CDC42BPA: variants seen among roughly 807,000 people sequenced by gnomAD.
The protein encoded by CDC42BPA is CDC42 binding protein kinase alpha.
CDC42BPA carries 80 observed loss-of-function variants against 223.5 expected under a neutral mutation model. That is an observed-to-expected ratio of 0.36 (90% confidence interval 0.30 to 0.43). The LOEUF (loss-of-function observed/expected upper bound fraction) is 0.43. Ranked by LOEUF, CDC42BPA falls within the 20% of genes least tolerant of loss-of-function variation. CDC42BPA has a pLI of 1.00. For synonymous variants in CDC42BPA, 694 were observed against 718.6 expected, an observed-to-expected ratio of 0.97 and a Z score of 0.55; for missense variants, 1,743 against 2,099.9, an observed-to-expected ratio of 0.83 and a Z score of 3.32.
At chr1:227,312,808 G>T (rs1693750091) in intron 1 of CDC42BPA, among the ~76,000 whole-genome samples, 1 of 151,984 alleles carries the variant, frequency 6.6e-6, no homozygotes, top group Non-Finnish European at 1.5e-5. Context: ...TTGTGATAGT[G>T]AGTGAGTTCT....
chr1:227,048,207 C>A (rs541276295), intron 22 of CDC42BPA, among the ~76,000 whole-genome samples, 197 bp from the exon 23 acceptor site: 1 of 151,844 alleles, frequency 6.6e-6, no homozygotes, highest in Non-Finnish European at 1.5e-5. Context: ...GCAATATCTA[C>A]GAATGAAATA....
intron 1 of CDC42BPA, among the ~76,000 whole-genome samples, chr1:227,268,572 T>C (rs1385164725): frequency 1.4e-5 from 2 of 145,364 alleles, no homozygotes; most frequent in Non-Finnish European, 3.0e-5. Context: ...TGTATATATA[T>C]AGTGTATATA....
At chr1:227,168,719 G>A (rs942737259) in intron 5 of CDC42BPA, among the ~76,000 whole-genome samples, 5 of 151,794 alleles carry the variant, frequency 3.3e-5, no homozygotes, top group African/African-American at 7.3e-5. Context: ...GGATGGTCTC[G>A]ATCTCCTGAC....
rs1313430652 is a variant in CDC42BPA, at chr1:227,222,218, T to TA, written c.271-9000dup. Among the ~76,000 whole-genome samples, 15 of 142,754 alleles carry TA rather than the reference T, an allele frequency of 1.1e-4. No individual in the cohort carries two copies. In the South Asian group the frequency reaches 3.2e-3, roughly 30 times the overall value. The allele number at this position is 142,754 out of a possible 152,430, so 93.7% of individuals were successfully genotyped here. A position where few individuals can be genotyped will look rare whatever the true frequency, so the allele number is the denominator to read the frequency against. ...GGGTGACAGAATGAGACCTTGTCTT[T>TA]AAAAAAATAGCTGGGCACGGTGGCT... is the stretch of plus-strand genomic sequence containing the variant. On this transcript the variant is annotated intron_variant, in intron 2 of 36. Coordinates refer to ENST00000366766, the MANE Select transcript of CDC42BPA (RefSeq NM_001394014.1).
At chr1:227,099,690 C>T (rs890725325) in intron 15 of CDC42BPA, among the ~76,000 whole-genome samples, 3 of 152,114 alleles carry the variant, frequency 2.0e-5, no homozygotes, top group African/African-American at 7.2e-5. Flanking sequence ...TTGTAAAAAA[C>T]TTATTCTTCT....
chr1:227,188,508 C>A (rs1669201366), intron 5 of CDC42BPA, among the ~76,000 whole-genome samples: 1 of 151,802 alleles, frequency 6.6e-6, no homozygotes, highest in South Asian at 2.1e-4. Flanking sequence ...AAATGGAAAA[C>A]TATGGTACAT....
intron 32 of CDC42BPA, among the ~76,000 whole-genome samples, chr1:227,018,969 T>A (rs1666847199): frequency 6.6e-6 from 1 of 152,228 alleles, no homozygotes; most frequent in Non-Finnish European, 1.5e-5. Flanking sequence ...GGGTGGTGGC[T>A]GCTGAAGGCT....
At chr1:227,230,820 C>CTTTTTTTTTTTTTT (rs1198828997) in intron 2 of CDC42BPA, among the ~76,000 whole-genome samples, 3 of 91,598 alleles carry the variant, frequency 3.3e-5, no homozygotes, top group Non-Finnish European at 6.3e-5. Context: ...TTCTTTCTTT[C>CTTTTTTTTTTTTTT]TTTTTTTTTT....
intron 12 of CDC42BPA, among the ~76,000 whole-genome samples, chr1:227,118,318 C>T (rs1488029626): frequency 1.3e-5 from 2 of 152,108 alleles, no homozygotes. Context: ...CATCACTAGT[C>T]ATAAGAGAAG....
At chr1:227,118,970 GTTAT>G (rs1330858300) in intron 12 of CDC42BPA, among the ~76,000 whole-genome samples, 1 of 151,988 alleles carries the variant, frequency 6.6e-6, no homozygotes, top group Non-Finnish European at 1.5e-5. Context: ...TCAGCTAAAG[GTTAT>G]TTGTTTTATT....
chr1:227,254,923 C>A (rs532427234), intron 1 of CDC42BPA, among the ~76,000 whole-genome samples: 2 of 151,992 alleles, frequency 1.3e-5, no homozygotes, highest in African/African-American at 4.8e-5. Flanking sequence ...ACAATATAAG[C>A]AAATGAAGAG....
At chr1:227,285,151 G>A (rs1688622223) in intron 1 of CDC42BPA, among the ~76,000 whole-genome samples, 1 of 152,132 alleles carries the variant, frequency 6.6e-6, no homozygotes, top group Admixed American at 6.5e-5. Context: ...CATTAATGGA[G>A]AGTCCAAAAC....
chr1:227,163,567 C>A (rs142693676), intron 5 of CDC42BPA, among the ~76,000 whole-genome samples: 1 of 151,954 alleles, frequency 6.6e-6, no homozygotes, highest in African/African-American at 2.4e-5. Flanking sequence ...CTATAAAATG[C>A]CTGTTAATAT....
chr1:227,140,464 A>G (rs1359148555), intron 9 of CDC42BPA, among the ~76,000 whole-genome samples: 2 of 152,084 alleles, frequency 1.3e-5, no homozygotes, highest in African/African-American at 2.4e-5. Context: ...AGTTAAGGGA[A>G]TATCAAAAGA....
At chr1:227,155,596 G>GA (rs539213482) in intron 6 of CDC42BPA, among the ~76,000 whole-genome samples, 4 of 151,934 alleles carry the variant, frequency 2.6e-5, no homozygotes, top group African/African-American at 9.7e-5. Context: ...ATCTCCATGG[G>GA]AAAAAAAGGA....
At chr1:227,093,986 A>C (rs553446329) in intron 15 of CDC42BPA, among the ~76,000 whole-genome samples, 3 of 152,232 alleles carry the variant, frequency 2.0e-5, no homozygotes, top group East Asian at 3.9e-4. Context: ...ACTTCACCTG[A>C]AATAGTTACA....
Position 227,101,049 on chromosome 1 carries a change from G to A in CDC42BPA, c.2192C>T (p.Ala731Val), listed in dbSNP as rs756580491. Residue 731 changes from alanine to valine, a missense_variant, in exon 15 of 37, where the codon GCT becomes GTT. Ala to Val is a moderately conservative substitution (Grantham distance 64). Transcript: ENST00000366766. ...ELHDSEGQQLALNKEIMILKD... is the reference protein window; with the variant it reads ...ELHDSEGQQLVLNKEIMILKD... ...TAAAATCATAATTTCTTTGTTGAGA[G>A]CAAGTTGCTGACCTTCTGAATCATG... 6.4e-7 allele frequency: 1 copy of A among 1,560,054 alleles called. No homozygotes were observed. The highest frequency in any genetic ancestry group is 8.8e-7 in the Non-Finnish European group (1 of 1,133,044).
At position 227,061,010 on chromosome 1, in the gene CDC42BPA, C is replaced by T. The variant is rs567544965; in HGVS notation, c.2904+8767G>A. On this transcript the variant is annotated intron_variant, in intron 21 of 36. Transcript: ENST00000366766. ...TGCTGGGATTACAGGTGTGAACCAC[C>T]GCGCCTGGCCAGAAATATTCTTTCT... Among the ~76,000 whole-genome samples the T allele has an allele frequency of 1.4e-3, 219 of 152,046 alleles. 3 individuals carry two copies. The highest frequency in any genetic ancestry group is 6.2e-4 in the South Asian group (3 of 4,814).
In CDC42BPA at chr1:227,017,033, C is replaced by A; in HGVS notation, c.4633G>T (p.Val1545Leu). 2 of 1,611,820 alleles carry A rather than the reference C, an allele frequency of 1.2e-6. No individual in the cohort carries two copies. The highest frequency in any genetic ancestry group is 1.1e-5 in the South Asian group (1 of 90,572). ...NKMAEGDELV[V>L]PETSDNSRKQ... is the part of the protein sequence containing the mutation. Reference sequence around the variant, plus strand: ...CGACTATTATCTGATGTTTCAGGTACTACCAGTTCGTCCCCTTCTGTTAAA... The same window carrying A: ...CGACTATTATCTGATGTTTCAGGTAATACCAGTTCGTCCCCTTCTGTTAAA... Residue 1545 changes from valine (V) to leucine (L), a missense_variant, in exon 33 of 37, where the codon GTA (valine) becomes TTA (leucine). This residue lies in a region of CDC42BPA where 678 missense variants were observed against 777.5 expected (regional missense o/e 0.87). Coordinates refer to ENST00000366766, the MANE Select transcript of CDC42BPA (RefSeq NM_001394014.1).
Sources: allele counts gnomAD v4.1 joint callset (sites outside exome capture counted in the v4.1 genomes callset), GRCh38; gene constraint gnomAD v4.1.1; regional missense constraint gnomAD v4.1.1; transcripts MANE v1.5; gene names NCBI Gene and HGNC (gene_info 2026-07-23, HGNC 2026-07-21).